Variants in NTRK2 observed in about 807,000 individuals in gnomAD.
NTRK2 encodes neurotrophic receptor tyrosine kinase 2, also known as BDNF/NT-3 growth factors receptor.
NTRK2 carries 13 observed loss-of-function variants against 94.5 expected under a neutral mutation model. The ratio of observed to expected loss-of-function variants is 0.14; its 90% CI spans 0.09 to 0.22. The LOEUF (loss-of-function observed/expected upper bound fraction) is 0.22. Among genes scored for constraint, NTRK2 ranks in the 10% least tolerant of loss-of-function variants. The pLI is 1.00. For missense variants in NTRK2, 639 were observed against 1,071.2 expected, an observed-to-expected ratio of 0.60 and a Z score of 5.63; for synonymous variants, 372 against 407.4, an observed-to-expected ratio of 0.91 and a Z score of 1.05.
intron 11 of NTRK2, among the ~76,000 whole-genome samples, chr9:84,747,473 GT>G (rs766939495): frequency 0.02 from 2,390 of 122,152 alleles, 8 homozygotes; most frequent in Non-Finnish European, 0.025. Context: ...AGTTTTCTGG[GT>G]TTTTTTTTTT....
chr9:84,968,986 G>A (rs972384003), intron 17 of NTRK2, among the ~76,000 whole-genome samples: 7 of 152,188 alleles, frequency 4.6e-5, no homozygotes, highest in Admixed American at 1.3e-4. Flanking sequence ...GGGCATATAT[G>A]ATACATTGAC....
At chr9:84,861,177 G>A (rs1298686454) in intron 13 of NTRK2, 90 bp downstream of exon 13, 6 of 993,824 alleles carry the variant, frequency 6.0e-6, no homozygotes, top group Middle Eastern at 2.1e-4. Context: ...TACATTCCAC[G>A]GTCTTTGATT....
At chr9:84,965,496 C>T (rs1197590702) in intron 17 of NTRK2, among the ~76,000 whole-genome samples, 1 of 152,132 alleles carries the variant, frequency 6.6e-6, no homozygotes, top group East Asian at 1.9e-4. Context: ...CTGAAAGCAA[C>T]AGAATTTGAG....
intron 15 of NTRK2, among the ~76,000 whole-genome samples, chr9:84,938,103 TAAAGTG>T (rs1191965547): frequency 5.9e-5 from 9 of 152,140 alleles, no homozygotes; most frequent in African/African-American, 9.7e-5. Context: ...AGGTGTAAGT[TAAAGTG>T]AATCAGAGGT....
intron 12 of NTRK2, among the ~76,000 whole-genome samples, chr9:84,844,748 C>T (rs61094598): frequency 3.5e-4 from 52 of 149,040 alleles, no homozygotes; most frequent in Admixed American, 1.8e-3. Flanking sequence ...GGCTTCTATT[C>T]GTTTCTGCCC....
At chr9:84,674,362 T>C (rs1033179551) in intron 2 of NTRK2, among the ~76,000 whole-genome samples, 2 of 152,238 alleles carry the variant, frequency 1.3e-5, no homozygotes, top group African/African-American at 2.4e-5. Flanking sequence ...TATGACAGAC[T>C]CTATGTGCAA....
intron 14 of NTRK2, among the ~76,000 whole-genome samples, chr9:84,925,201 C>CTTTTTT (rs562875058): frequency 2.7e-4 from 38 of 141,286 alleles, no homozygotes; most frequent in East Asian, 1.9e-3. Flanking sequence ...TTCTCTTCTT[C>CTTTTTT]TTTTTTTTTT....
chr9:84,817,951 G>A (rs192412424), intron 12 of NTRK2, among the ~76,000 whole-genome samples: 3 of 152,208 alleles, frequency 2.0e-5, no homozygotes, highest in Admixed American at 6.5e-5. Context: ...AATGAGTGGC[G>A]TTGATGTATT....
chr9:84,673,161 A>C (rs1196141961), intron 2 of NTRK2, among the ~76,000 whole-genome samples: 1 of 152,188 alleles, frequency 6.6e-6, no homozygotes, highest in African/African-American at 2.4e-5. Context: ...TTTGTGCCCC[A>C]GTGCCTTTGT....
At chr9:84,946,349 T>C (rs1297044631) in intron 15 of NTRK2, among the ~76,000 whole-genome samples, 1 of 152,226 alleles carries the variant, frequency 6.6e-6, no homozygotes, top group Non-Finnish European at 1.5e-5. Flanking sequence ...GTGGCCTTCA[T>C]CATTCATTAC....
At chr9:84,742,701 C>G (rs1182901051) in intron 10 of NTRK2, among the ~76,000 whole-genome samples, 2 of 151,806 alleles carry the variant, frequency 1.3e-5, no homozygotes, top group Admixed American at 6.6e-5. Flanking sequence ...GTCAGCTTCC[C>G]CGAAGGTGGA....
intron 17 of NTRK2, among the ~76,000 whole-genome samples, chr9:85,002,043 C>T (rs1046522091): frequency 6.6e-6 from 1 of 152,158 alleles, no homozygotes; most frequent in Non-Finnish European, 1.5e-5. Context: ...CTGATTGCAG[C>T]AAACAGGAAA....
intron 2 of NTRK2, among the ~76,000 whole-genome samples, chr9:84,694,607 A>G (rs772470589): frequency 3.3e-5 from 5 of 152,052 alleles, no homozygotes; most frequent in Non-Finnish European, 7.4e-5. Context: ...TTGCTGAGAA[A>G]CTGAAACTGG....
At chr9:84,676,304 T>C (rs2131338397) in intron 2 of NTRK2, among the ~76,000 whole-genome samples, 2 of 152,344 alleles carry the variant, frequency 1.3e-5, no homozygotes, top group Admixed American at 1.3e-4. Context: ...AAGGGCATGA[T>C]ACAAGGTGCT....
At chr9:85,004,545 T>TAG (rs200533218) in intron 17 of NTRK2, among the ~76,000 whole-genome samples, 8 of 152,168 alleles carry the variant, frequency 5.3e-5, no homozygotes, top group Admixed American at 1.3e-4. Context: ...TGCACATAAA[T>TAG]ACGTGTTTTG....
chr9:84,770,312 A>T (rs6559827), intron 12 of NTRK2, among the ~76,000 whole-genome samples: 106,218 of 152,020 alleles, frequency 0.7, 37,308 homozygotes, highest in East Asian at 0.73. Context: ...TTGTCTTAAG[A>T]CTGGGCAAAC....
chr9:84,680,245 G>A (rs527996812), intron 2 of NTRK2, among the ~76,000 whole-genome samples: 127 of 152,306 alleles, frequency 8.3e-4, no homozygotes, highest in African/African-American at 2.6e-3. Flanking sequence ...GAGCCCCTGA[G>A]CAGCTTATAT....
intron 4 of NTRK2, among the ~76,000 whole-genome samples, chr9:84,704,599 T>A (rs565594401): frequency 6.6e-6 from 1 of 152,274 alleles, no homozygotes; most frequent in South Asian, 2.1e-4. Flanking sequence ...GAAGAATTAT[T>A]TTAAAATGGG....
intron 12 of NTRK2, among the ~76,000 whole-genome samples, chr9:84,765,417 G>T (rs1430397480): frequency 6.6e-6 from 1 of 152,152 alleles, no homozygotes; most frequent in African/African-American, 2.4e-5. Context: ...TTTGCATTTT[G>T]TGGCTGGTGG....
Sources: allele counts gnomAD v4.1 joint callset (sites outside exome capture counted in the v4.1 genomes callset), GRCh38; gene constraint gnomAD v4.1.1; transcripts MANE v1.5; gene names NCBI Gene and HGNC (gene_info 2026-07-23, HGNC 2026-07-21).